Variants in PCDH15 observed in about 807,000 individuals in gnomAD.
The protein encoded by PCDH15 is protocadherin-15.
In PCDH15, 129 loss-of-function variants were observed where a neutral mutation model predicts 178.5. The observed-to-expected ratio is 0.72, with a 90% CI of 0.63 to 0.84. PCDH15 has a LOEUF of 0.84. Among genes scored for constraint, PCDH15 ranks in the 40% least tolerant of loss-of-function variants. The pLI, the probability that PCDH15 is intolerant of heterozygous loss-of-function variation, is 0.00. For synonymous variants in PCDH15, 800 were observed against 732.0 expected, an observed-to-expected ratio of 1.09 and a Z score of -1.50; for missense variants, 2,230 against 2,099.9, an observed-to-expected ratio of 1.06 and a Z score of -1.21.
intron 1 of PCDH15, among the ~76,000 whole-genome samples, chr10:55,235,963 T>C (rs1205864704): frequency 6.6e-6 from 1 of 151,472 alleles, no homozygotes; most frequent in Non-Finnish European, 1.5e-5. Context: ...ACTGGAATGT[T>C]AGTTTAAAAT....
At chr10:55,522,510 GTATA>G (rs1841202906) in intron 2 of PCDH15, among the ~76,000 whole-genome samples, 1 of 151,540 alleles carries the variant, frequency 6.6e-6, no homozygotes, top group Non-Finnish European at 1.5e-5. Context: ...TGTTGAGGGC[GTATA>G]TACTTAAAAT....
intron 2 of PCDH15, among the ~76,000 whole-genome samples, chr10:55,557,417 T>A (rs1372742422): frequency 6.6e-6 from 1 of 152,138 alleles, no homozygotes; most frequent in Non-Finnish European, 1.5e-5. Context: ...TTGGTCAAAA[T>A]CAACAAGTTA....
chr10:55,453,043 A>T (rs1035471340), intron 2 of PCDH15, among the ~76,000 whole-genome samples: 2 of 152,208 alleles, frequency 1.3e-5, no homozygotes, highest in Non-Finnish European at 2.9e-5. Context: ...AAACATATAA[A>T]TACAAATAAA....
intron 8 of PCDH15, among the ~76,000 whole-genome samples, chr10:54,270,125 T>C (rs1255361174): frequency 1.1e-4 from 16 of 152,228 alleles, no homozygotes; most frequent in African/African-American, 3.1e-4. Context: ...ACTGGACTAA[T>C]ATTCCAACGC....
At chr10:53,807,186 G>GTA in intron 37 of PCDH15, 56 bp from the exon 38 acceptor site, 1 of 1,372,758 alleles carries the variant, frequency 7.3e-7, no homozygotes, top group Non-Finnish European at 9.8e-7. Flanking sequence ...AAAAGGCAAT[G>GTA]ATTACATTGC....
intron 3 of PCDH15, among the ~76,000 whole-genome samples, chr10:54,848,516 G>T (rs1029010129): frequency 6.6e-6 from 1 of 151,946 alleles, no homozygotes; most frequent in Non-Finnish European, 1.5e-5. Context: ...GTGATATGCT[G>T]CACTGCCTTG....
intron 1 of PCDH15, among the ~76,000 whole-genome samples, chr10:54,722,592 A>AAG (rs1555168948): frequency 8.3e-6 from 1 of 120,078 alleles, no homozygotes; most frequent in Non-Finnish European, 1.8e-5. Context: ...AAAAAAAAAA[A>AAG]AATGTCAAAT....
chr10:55,300,056 G>C (rs1843235129), intron 1 of PCDH15, among the ~76,000 whole-genome samples: 1 of 152,142 alleles, frequency 6.6e-6, no homozygotes, highest in African/African-American at 2.4e-5. Flanking sequence ...AATTTGATTA[G>C]ACAATTCTCA....
intron 8 of PCDH15, among the ~76,000 whole-genome samples, chr10:54,285,784 C>G (rs532154861): frequency 1.3e-5 from 2 of 152,264 alleles, no homozygotes; most frequent in Admixed American, 6.5e-5. Flanking sequence ...TATTGCAGCA[C>G]TATTCACAAT....
chr10:55,599,102 A>C (rs1843006541), intron 2 of PCDH15, among the ~76,000 whole-genome samples: 1 of 152,198 alleles, frequency 6.6e-6, no homozygotes, highest in Non-Finnish European at 1.5e-5. Context: ...CCAAAAAGCA[A>C]AGACAAATCC....
intron 1 of PCDH15, among the ~76,000 whole-genome samples, chr10:54,784,177 G>C (rs1199147865): frequency 6.6e-6 from 1 of 152,018 alleles, no homozygotes; most frequent in African/African-American, 2.4e-5. Flanking sequence ...TAGGGATTAT[G>C]AGGGTTACAG....
intron 3 of PCDH15, chr10:54,864,672 C>A (rs1426751854): frequency 1.3e-5 from 2 of 152,132 alleles, no homozygotes; most frequent in Non-Finnish European, 2.9e-5. Context: ...CATCTGAAGA[C>A]TTGACTGGTG....
At chr10:55,144,061 TAGA>T in intron 2 of PCDH15, among the ~76,000 whole-genome samples, 1 of 152,054 alleles carries the variant, frequency 6.6e-6, no homozygotes, top group Non-Finnish European at 1.5e-5. Flanking sequence ...ATATTCCATG[TAGA>T]AGTTTGATGA....
chr10:55,177,569 GTTAACGATGGGGAATAAC>G, intron 1 of PCDH15, among the ~76,000 whole-genome samples: 1 of 152,320 alleles, frequency 6.6e-6, no homozygotes, highest in South Asian at 2.1e-4. Flanking sequence ...AGGCTACTAA[GTTAACGATGGGGAATAAC>G]TTAACTGTTT....
At chr10:54,307,528 A>G (rs142921757) in intron 8 of PCDH15, among the ~76,000 whole-genome samples, 2 of 151,710 alleles carry the variant, frequency 1.3e-5, no homozygotes, top group South Asian at 2.1e-4. Flanking sequence ...GGAGCAAGAT[A>G]CCTCCCCGTC....
At chr10:55,295,116 T>A (rs1363012043) in intron 1 of PCDH15, among the ~76,000 whole-genome samples, 4 of 152,184 alleles carry the variant, frequency 2.6e-5, no homozygotes, top group African/African-American at 9.6e-5. Flanking sequence ...AAGTTTTGTG[T>A]CAACATCATT....
intron 21 of PCDH15, among the ~76,000 whole-genome samples, chr10:53,989,545 T>G (rs1589789224): frequency 6.6e-6 from 1 of 152,206 alleles, no homozygotes; most frequent in East Asian, 1.9e-4. Context: ...ATGGTGTACC[T>G]TCTTTCTAAT....
In PCDH15 at chr10:54,554,214, C is replaced by G. The variant is rs945319864; in HGVS notation, c.92-26337G>C. On this transcript the variant is annotated intron_variant, in intron 2 of 37. Coordinates refer to ENST00000644397, the MANE Select transcript of PCDH15 (RefSeq NM_001384140.1). Reference sequence around the variant, plus strand: ...CATTTTCTCACCTGGCCCCTTACCTCCTGGATTACACAACCTGAGTTTCAC... The same window carrying G: ...CATTTTCTCACCTGGCCCCTTACCTGCTGGATTACACAACCTGAGTTTCAC... Among the ~76,000 whole-genome samples the G allele has an allele frequency of 2.0e-5, 3 of 152,102 alleles. No individual in the cohort carries two copies. The East Asian group carries it at 5.8e-4, about 29-fold the overall frequency.
At chr10:53,922,357 C>A (rs1055163256) in intron 25 of PCDH15, among the ~76,000 whole-genome samples, 1 of 152,030 alleles carries the variant, frequency 6.6e-6, no homozygotes, top group African/African-American at 2.4e-5. Flanking sequence ...AAGTTAAGTA[C>A]TTTTCTGATA....
Sources: gnomAD v4.1 joint callset for allele counts (sites outside exome capture counted in the v4.1 genomes callset) on GRCh38, gnomAD v4.1.1 for gene constraint, MANE v1.5 for transcripts, NCBI Gene and HGNC (gene_info 2026-07-23, HGNC 2026-07-21) for gene names.